Variants in MEMO1 observed in about 807,000 individuals in gnomAD.
MEMO1 encodes the protein protein MEMO1.
In MEMO1, 6 loss-of-function variants were observed where a neutral mutation model predicts 45.2. That is an observed-to-expected ratio of 0.13 (90% CI 0.07 to 0.26). MEMO1 has a LOEUF of 0.26. MEMO1 is among the 10% of genes least tolerant of loss of function. MEMO1 has a pLI of 1.00. For missense variants in MEMO1, 184 were observed against 370.5 expected (o/e 0.50, Z 4.13); for synonymous variants, 78 against 124.3 (o/e 0.63, Z 2.48).
intron 4 of MEMO1, among the ~76,000 whole-genome samples, chr2:31,929,960 C>A (rs1201815856): frequency 6.6e-6 from 1 of 152,134 alleles, no homozygotes; most frequent in East Asian, 1.9e-4. Context: ...ATACTAATTA[C>A]AAAAAATAAT....
At chr2:31,875,711 A>C (rs532735994) in intron 8 of MEMO1, among the ~76,000 whole-genome samples, 22 of 151,890 alleles carry the variant, frequency 1.4e-4, no homozygotes, top group Non-Finnish European at 2.6e-4. Flanking sequence ...TTTGAGACAG[A>C]GTCTCAGCTC....
chr2:32,005,579 C>A (rs1453908958), intron 2 of MEMO1, among the ~76,000 whole-genome samples: 4 of 151,996 alleles, frequency 2.6e-5, no homozygotes, highest in African/African-American at 9.7e-5. Context: ...CCCTAACTGG[C>A]AGAACAGGAT....
chr2:31,903,940 A>G (rs1275292076), intron 6 of MEMO1, among the ~76,000 whole-genome samples: 1 of 152,230 alleles, frequency 6.6e-6, no homozygotes, highest in South Asian at 2.1e-4. Context: ...AAGACTACCT[A>G]TATAAAAGCA....
At chr2:31,961,915 A>G (rs1473263581) in intron 2 of MEMO1, among the ~76,000 whole-genome samples, 1 of 152,170 alleles carries the variant, frequency 6.6e-6, no homozygotes, top group African/African-American at 2.4e-5. Context: ...TAAGAATCTG[A>G]GCCATTTTAG....
intron 6 of MEMO1, among the ~76,000 whole-genome samples, chr2:31,912,883 C>T (rs1047357455): frequency 6.6e-6 from 1 of 152,094 alleles, no homozygotes; most frequent in African/African-American, 2.4e-5. Flanking sequence ...TTTTTTATGT[C>T]AGTAGAGTTA....
chr2:32,002,168 A>AATATATATATAT (rs1553383011), intron 2 of MEMO1, among the ~76,000 whole-genome samples: 6 of 74,894 alleles, frequency 8.0e-5, no homozygotes, highest in African/African-American at 3.7e-4. Context: ...AAAAAAAAAA[A>AATATATATATAT]ATATATATAT....
intron 5 of MEMO1, 77 bp from the exon 6 acceptor site, chr2:31,918,114 C>CA: frequency 1.2e-6 from 1 of 866,888 alleles, no homozygotes; most frequent in Non-Finnish European, 1.6e-6. Flanking sequence ...CCCAGTAACA[C>CA]AAAACTACAT....
At chr2:31,910,367 A>C (rs1361408506) in intron 6 of MEMO1, among the ~76,000 whole-genome samples, 1 of 152,186 alleles carries the variant, frequency 6.6e-6, no homozygotes, top group African/African-American at 2.4e-5. Context: ...GTAAAATAAA[A>C]TATTTTATTT....
rs140660284 is a variant in MEMO1 at position 31,963,095 on chromosome 2, C to A, written c.62-19712G>T. 110 of 1,405,522 alleles carry A rather than the reference C, an allele frequency of 7.8e-5. No homozygotes were observed. In the African/African-American group the frequency reaches 1.3e-3, roughly 16 times the overall value. The allele number at this position is 1,405,522 out of a possible 1,614,324, so 87.1% of individuals were successfully genotyped here. On this transcript the variant is annotated intron_variant, in intron 2 of 9. Coordinates refer to ENST00000404530, the MANE Select transcript of MEMO1 (RefSeq NM_001301833.4). Reference sequence around the variant, plus strand: ...TGGCTCTTCCTAAGTCTTGAGTCAACCAACCCATCCTCAGTCTCTAACTAC... The same window carrying A: ...TGGCTCTTCCTAAGTCTTGAGTCAAACAACCCATCCTCAGTCTCTAACTAC...
At chr2:31,979,332 A>G (rs1212675824) in intron 2 of MEMO1, among the ~76,000 whole-genome samples, 1 of 152,218 alleles carries the variant, frequency 6.6e-6, no homozygotes, top group African/African-American at 2.4e-5. Context: ...ATAACTTGAT[A>G]TTAAAATATT....
intron 2 of MEMO1, among the ~76,000 whole-genome samples, chr2:32,002,168 A>T (rs13425910): frequency 0.077 from 5,522 of 71,658 alleles, 257 homozygotes; most frequent in East Asian, 0.18. Flanking sequence ...AAAAAAAAAA[A>T]ATATATATAT....
chr2:31,961,861 A>G (rs1668044389), intron 2 of MEMO1, among the ~76,000 whole-genome samples: 1 of 152,118 alleles, frequency 6.6e-6, no homozygotes, highest in Non-Finnish European at 1.5e-5. Flanking sequence ...TAAACCAAAA[A>G]AATCAAGTTT....
At chr2:32,009,476 C>T (rs914421385) in intron 2 of MEMO1, among the ~76,000 whole-genome samples, 2 of 152,112 alleles carry the variant, frequency 1.3e-5, no homozygotes, top group Non-Finnish European at 2.9e-5. Flanking sequence ...GCAGAGACCT[C>T]GTCTGTAGTC....
intron 2 of MEMO1, among the ~76,000 whole-genome samples, chr2:31,959,400 A>C (rs140440722): frequency 6.6e-6 from 1 of 152,256 alleles, no homozygotes; most frequent in African/African-American, 2.4e-5. Context: ...GCAGCTCAAG[A>C]GATAAAGAGA....
chr2:31,921,808 C>T (rs909339203), intron 4 of MEMO1, among the ~76,000 whole-genome samples: 2 of 152,058 alleles, frequency 1.3e-5, no homozygotes, highest in Admixed American at 6.6e-5. Flanking sequence ...TTTCTCTATT[C>T]CCATTCAAGT....
chr2:31,880,193 A>C (rs1374709177), intron 8 of MEMO1, among the ~76,000 whole-genome samples: 2 of 152,206 alleles, frequency 1.3e-5, no homozygotes, highest in South Asian at 2.1e-4. Flanking sequence ...ACAATCATTA[A>C]TCATTTGCTA....
At chr2:31,970,113 A>G (rs1303636904) in intron 2 of MEMO1, among the ~76,000 whole-genome samples, 1 of 152,014 alleles carries the variant, frequency 6.6e-6, no homozygotes, top group African/African-American at 2.4e-5. Context: ...CTGGGATTAC[A>G]GGCATGCACC....
chr2:31,926,123 T>A (rs1178318366), intron 4 of MEMO1, among the ~76,000 whole-genome samples: 1 of 152,054 alleles, frequency 6.6e-6, no homozygotes, highest in African/African-American at 2.4e-5. Flanking sequence ...TCTCAGCACT[T>A]TGGGAGGCTG....
At position 31,899,128 on chromosome 2, in the gene MEMO1, C is replaced by T. The variant is rs1224060266; in HGVS notation, c.438-6994G>A. Among the ~76,000 whole-genome samples, 7 of 152,282 alleles carry T rather than the reference C, an allele frequency of 4.6e-5. No homozygotes were observed. The East Asian group carries it at 9.6e-4, about 21-fold the overall frequency. On this transcript the variant is annotated intron_variant, in intron 6 of 9. Coordinates refer to ENST00000404530, the MANE Select transcript of MEMO1 (RefSeq NM_001301833.4). ...CACCGCCCAAAGTAAGTTATAGATT[C>T]AATGCTATTCCCATCAAGCTACCAT...
Sources: allele counts gnomAD v4.1 joint callset (sites outside exome capture counted in the v4.1 genomes callset), GRCh38; gene constraint gnomAD v4.1.1; transcripts MANE v1.5; gene names NCBI Gene and HGNC (gene_info 2026-07-23, HGNC 2026-07-21).